MAP3K13: variants seen among roughly 807,000 people sequenced by gnomAD.
MAP3K13 encodes the protein leucine zipper-bearing kinase.
In MAP3K13, 52 loss-of-function variants were observed where a neutral mutation model predicts 104.0. The ratio of observed to expected loss-of-function variants is 0.50; its 90% CI spans 0.40 to 0.63. MAP3K13 has a LOEUF of 0.63. Ranked by LOEUF, MAP3K13 falls within the 20% of genes least tolerant of loss-of-function variation. The probability of loss-of-function intolerance (pLI) is 0.00; values close to 1 mark genes in which losing one functional copy is unlikely to be tolerated. For synonymous variants in MAP3K13, 394 were observed against 442.2 expected, an observed-to-expected ratio of 0.89 and a Z score of 1.37; for missense variants, 914 against 1,218.5, an observed-to-expected ratio of 0.75 and a Z score of 3.72.
At chr3:185,357,000 T>C (rs1403165979) in intron 2 of MAP3K13, among the ~76,000 whole-genome samples, 1 of 152,156 alleles carries the variant, frequency 6.6e-6, no homozygotes, top group African/African-American at 2.4e-5. Context: ...TTATATTGCA[T>C]GCAATGTGTG....
chr3:185,481,964 G>A (rs1273557049), intron 13 of MAP3K13, among the ~76,000 whole-genome samples: 1 of 152,174 alleles, frequency 6.6e-6, no homozygotes, highest in Non-Finnish European at 1.5e-5. Flanking sequence ...CGCGCCTGTA[G>A]TCCCAGCCGC....
At chr3:185,318,357 T>C (rs1257161883) in intron 2 of MAP3K13, among the ~76,000 whole-genome samples, 2 of 152,232 alleles carry the variant, frequency 1.3e-5, no homozygotes, top group Non-Finnish European at 2.9e-5. Context: ...CAGACAGTCA[T>C]TTGACTAAGC....
intron 1 of MAP3K13, among the ~76,000 whole-genome samples, chr3:185,390,979 C>A (rs954588436): frequency 6.6e-6 from 1 of 152,096 alleles, no homozygotes; most frequent in Non-Finnish European, 1.5e-5. Context: ...CCGGTCTGTC[C>A]AAGGTTCATA....
intron 1 of MAP3K13, chr3:185,285,275 A>G (rs1720469519): frequency 5.2e-6 from 1 of 192,086 alleles, no homozygotes; most frequent in African/African-American, 2.3e-5. Flanking sequence ...TAGAATACAT[A>G]AAATTATGGT....
intron 5 of MAP3K13, among the ~76,000 whole-genome samples, chr3:185,448,381 G>A (rs1414384235): frequency 1.3e-5 from 2 of 152,088 alleles, no homozygotes; most frequent in Admixed American, 6.6e-5. Context: ...CTCTAGACAT[G>A]TTTGAGATGT....
intron 1 of MAP3K13, among the ~76,000 whole-genome samples, chr3:185,398,737 T>C (rs968472494): frequency 1.5e-4 from 23 of 152,246 alleles, no homozygotes; most frequent in African/African-American, 5.5e-4. Flanking sequence ...TACTTCCTTC[T>C]TATACGTATG....
At position 185,334,946 on chromosome 3, in the gene MAP3K13, G is replaced by T. The variant is rs185443596; in HGVS notation, c.-86+49303G>T. On this transcript the variant is annotated intron_variant, in intron 2 of 14. Coordinates refer to the MAP3K13 transcript ENST00000424227. Reference sequence around the variant, plus strand: ...TTCTTATAGGGGGAAAAAATTTCATGCCTCTCTCACTCTACACAAAACTGC... The same window carrying T: ...TTCTTATAGGGGGAAAAAATTTCATTCCTCTCTCACTCTACACAAAACTGC... 3.7e-3 allele frequency among the ~76,000 whole-genome samples: 560 copies of T among 151,726 alleles called. 5 individuals are homozygous for T. Among genetic ancestry groups the T allele is most frequent in the African/African-American group, 0.013 (542 of 41,376 alleles).
chr3:185,427,052 C>A (rs1714462452), intron 1 of MAP3K13, among the ~76,000 whole-genome samples: 2 of 152,100 alleles, frequency 1.3e-5, no homozygotes, highest in African/African-American at 4.8e-5. Flanking sequence ...AAGTACATTT[C>A]TGATAAGAAC....
rs1284868149 is a variant in MAP3K13, at chr3:185,486,785, C to A, written c.*4329C>A. 1 of 152,198 alleles carries A rather than the reference C, an allele frequency of 6.6e-6. No individual in the cohort carries two copies. The highest frequency in any genetic ancestry group is 1.5e-5 in the Non-Finnish European group (1 of 68,034). 9.4% of individuals were successfully genotyped at this position (152,198 alleles called of 1,614,324 possible). A position where few individuals can be genotyped will look rare whatever the true frequency, so the allele number is the denominator to read the frequency against. On this transcript the variant is annotated 3_prime_UTR_variant, in exon 14 of 14. Transcript: ENST00000265026. ...ATTTTCATCTATTTCAAGATCATAT[C>A]CTCTGGATAACAGTTCCTTTTAAAA...
intron 10 of MAP3K13, 59 bp downstream of exon 10, chr3:185,467,022 C>A: frequency 1.3e-6 from 2 of 1,597,994 alleles, no homozygotes; most frequent in South Asian, 1.1e-5. Flanking sequence ...ACCCACAAAT[C>A]CATTCTCACA....
intron 1 of MAP3K13, among the ~76,000 whole-genome samples, chr3:185,386,399 A>T (rs758395853): frequency 6.6e-6 from 1 of 152,192 alleles, no homozygotes. Flanking sequence ...GCTATTAAAA[A>T]GTCAAAAAAC....
intron 2 of MAP3K13, among the ~76,000 whole-genome samples, chr3:185,357,577 T>A (rs562596263): frequency 1.6e-4 from 24 of 152,164 alleles, no homozygotes; most frequent in African/African-American, 5.8e-4. Flanking sequence ...CTTTGCAAAC[T>A]CAGTATATTA....
chr3:185,425,231 C>T (rs1714346144), intron 1 of MAP3K13, among the ~76,000 whole-genome samples: 1 of 152,204 alleles, frequency 6.6e-6, no homozygotes, highest in Non-Finnish European at 1.5e-5. Flanking sequence ...CTCCCTAGCT[C>T]AGTGCATGAT....
intron 1 of MAP3K13, among the ~76,000 whole-genome samples, chr3:185,396,317 C>A (rs1186717918): frequency 6.6e-6 from 1 of 152,034 alleles, no homozygotes; most frequent in Non-Finnish European, 1.5e-5. Flanking sequence ...TTGCAGTGAG[C>A]CCAGATTGTG....
In MAP3K13 at chr3:185,390,912, C is replaced by T. The variant is rs117538038; in HGVS notation, c.-86+27544C>T. Among the ~76,000 whole-genome samples the T allele has an allele frequency of 1.4e-3, 210 of 152,170 alleles. 2 individuals carry two copies. The highest frequency in any genetic ancestry group is 4.7e-3 in the East Asian group (24 of 5,158). On this transcript the variant is annotated intron_variant, in intron 1 of 13. Transcript: ENST00000265026. ...CTGGGATTACAGGCGTGAGCCACTG[C>T]GCTGGGCCGATATTTTCCTTTCTTA...
At position 185,292,232 on chromosome 3, in the gene MAP3K13, G is replaced by A. The variant is rs181329932; in HGVS notation, c.-86+6589G>A. Reference sequence around the variant, plus strand: ...AGGCAGGAGAATCACTTGAAACCAGGAGGCGGGGGCTGCAGTGAGCCAAGA... The same window carrying A: ...AGGCAGGAGAATCACTTGAAACCAGAAGGCGGGGGCTGCAGTGAGCCAAGA... On this transcript the variant is annotated intron_variant, in intron 2 of 14. Transcript: ENST00000424227. The A allele has an allele frequency of 2.0e-3, 313 of 154,722 alleles. 2 individuals are homozygous for A. The highest frequency in any genetic ancestry group is 7.0e-3 in the African/African-American group (289 of 41,554). 9.6% of individuals were successfully genotyped at this position (154,722 alleles called of 1,614,324 possible). A position where few individuals can be genotyped will look rare whatever the true frequency, so the allele number is the denominator to read the frequency against.
intron 2 of MAP3K13, among the ~76,000 whole-genome samples, chr3:185,296,756 T>A (rs1428716541): frequency 6.6e-6 from 1 of 152,206 alleles, no homozygotes; most frequent in African/African-American, 2.4e-5. Flanking sequence ...AGATGCATAT[T>A]TGGGACAATG....
At chr3:185,442,973 G>A (rs1167061811) in intron 3 of MAP3K13, among the ~76,000 whole-genome samples, 2 of 151,912 alleles carry the variant, frequency 1.3e-5, no homozygotes, top group Admixed American at 6.6e-5. Context: ...TGAGTAGCTG[G>A]GACTACAGGC....
intron 1 of MAP3K13, among the ~76,000 whole-genome samples, chr3:185,386,658 C>T (rs1329890908): frequency 1.3e-5 from 2 of 152,146 alleles, no homozygotes; most frequent in Non-Finnish European, 2.9e-5. Flanking sequence ...CCTAAATGCC[C>T]ATCAATGATA....
Sources: allele counts gnomAD v4.1 joint callset (sites outside exome capture counted in the v4.1 genomes callset), GRCh38; gene constraint gnomAD v4.1.1; transcripts MANE v1.5; gene names NCBI Gene and HGNC (gene_info 2026-07-23, HGNC 2026-07-21).